ANKS1B: variants seen among roughly 807,000 people sequenced by gnomAD.
ANKS1B encodes the protein ankyrin repeat and sterile alpha motif domain-containing protein 1B.
A neutral mutation model predicts 148.3 loss-of-function variants in ANKS1B; 36 were observed. That is an observed-to-expected ratio of 0.24 (90% CI 0.19 to 0.32). The LOEUF is 0.32. Among genes scored for constraint, ANKS1B ranks in the 10% least tolerant of loss-of-function variants. The pLI is 1.00. For synonymous variants in ANKS1B, 542 were observed against 560.8 expected, an observed-to-expected ratio of 0.97 and a Z score of 0.47; for missense variants, 1,157 against 1,542.6, an observed-to-expected ratio of 0.75 and a Z score of 4.19.
intron 5 of ANKS1B, among the ~76,000 whole-genome samples, chr12:99,781,396 T>G (rs918421100): frequency 6.6e-6 from 1 of 152,200 alleles, no homozygotes; most frequent in Non-Finnish European, 1.5e-5. Flanking sequence ...TTTGTACCCA[T>G]GCCTTTTGAT....
At chr12:99,348,922 T>C (rs1209745209) in intron 12 of ANKS1B, among the ~76,000 whole-genome samples, 1 of 151,990 alleles carries the variant, frequency 6.6e-6, no homozygotes, top group African/African-American at 2.4e-5. Flanking sequence ...TTTCAGTTTG[T>C]AACTCCTCTT....
At chr12:99,846,733 C>G (rs997738803) in intron 1 of ANKS1B, among the ~76,000 whole-genome samples, 14 of 152,074 alleles carry the variant, frequency 9.2e-5, no homozygotes, top group African/African-American at 3.1e-4. Context: ...GCCATGACCA[C>G]TAAAGTCCTA....
intron 16 of ANKS1B, among the ~76,000 whole-genome samples, chr12:99,058,845 C>G (rs1358922529): frequency 6.8e-6 from 1 of 147,846 alleles, no homozygotes; most frequent in Non-Finnish European, 1.5e-5. Flanking sequence ...TCACGCCATT[C>G]TCCTGCCTCA....
At chr12:99,457,917 GGATATTTACAGAACA>G (rs1395010393) in intron 10 of ANKS1B, among the ~76,000 whole-genome samples, 3 of 151,764 alleles carry the variant, frequency 2.0e-5, no homozygotes, top group Non-Finnish European at 2.9e-5. Context: ...TGGACTAAAC[GGATATTTACAGAACA>G]GATATTTACA....
At chr12:99,213,933 A>G (rs1387877062) in intron 14 of ANKS1B, among the ~76,000 whole-genome samples, 1 of 152,222 alleles carries the variant, frequency 6.6e-6, no homozygotes, top group Non-Finnish European at 1.5e-5. Context: ...ATTTTAGGGA[A>G]TGCTTCACAT....
intron 13 of ANKS1B, among the ~76,000 whole-genome samples, chr12:99,245,722 A>C (rs987745198): frequency 6.6e-6 from 1 of 152,234 alleles, no homozygotes; most frequent in African/African-American, 2.4e-5. Context: ...GTAGAACTGA[A>C]ATTGGTGATA....
Position 99,654,988 on chromosome 12 carries a change from G to A in ANKS1B, c.1272+79C>T, listed in dbSNP as rs990987520. The A allele has an allele frequency of 8.2e-5, 117 of 1,418,976 alleles. No individual in the cohort carries two copies. In the Middle Eastern group the frequency reaches 1.5e-3, roughly 18 times the overall value. The allele number at this position is 1,418,976 out of a possible 1,614,324, so 87.9% of individuals were successfully genotyped here. A position where few individuals can be genotyped will look rare whatever the true frequency, so the allele number is the denominator to read the frequency against. On this transcript the variant is annotated intron_variant, in intron 9 of 26. Coordinates refer to ENST00000683438, the MANE Select transcript of ANKS1B (RefSeq NM_001352186.2). ...TGAACAAGATCCTAATTTGATTTTC[G>A]AAGGGGAGGGAGATTTTATCTTAAA...
intron 1 of ANKS1B, among the ~76,000 whole-genome samples, chr12:99,905,012 CT>C (rs548606023): frequency 2.0e-3 from 305 of 152,246 alleles, no homozygotes; most frequent in African/African-American, 7.1e-3. Context: ...TTAAAGTGGA[CT>C]TTTAATATGA....
chr12:99,671,449 T>C (rs1322308671), intron 8 of ANKS1B, among the ~76,000 whole-genome samples: 1 of 152,126 alleles, frequency 6.6e-6, no homozygotes, highest in Admixed American at 6.6e-5. Context: ...AACACCCCCA[T>C]TATTAAATAG....
intron 17 of ANKS1B, among the ~76,000 whole-genome samples, chr12:99,019,948 A>G (rs2099944783): frequency 6.6e-6 from 1 of 152,174 alleles, no homozygotes. Context: ...TACTGTTGTG[A>G]AAAAGCAGAA....
intron 15 of ANKS1B, among the ~76,000 whole-genome samples, chr12:99,126,816 T>G (rs17367186): frequency 0.15 from 23,471 of 152,272 alleles, 2,286 homozygotes; most frequent in South Asian, 0.31. Context: ...ACATGATCTC[T>G]ATATTCCCTT....
chr12:98,996,880 T>C (rs766943956), intron 17 of ANKS1B, among the ~76,000 whole-genome samples: 10 of 151,070 alleles, frequency 6.6e-5, no homozygotes, highest in Non-Finnish European at 1.3e-4. Context: ...CCAGTGTTTG[T>C]TGATAACTGA....
intron 8 of ANKS1B, among the ~76,000 whole-genome samples, chr12:99,716,983 A>G (rs1449116408): frequency 2.0e-5 from 3 of 152,090 alleles, no homozygotes; most frequent in Non-Finnish European, 4.4e-5. Flanking sequence ...CTGCCCAGCA[A>G]TTTACTCTTA....
At chr12:99,877,272 T>G (rs1369676327) in intron 1 of ANKS1B, among the ~76,000 whole-genome samples, 2 of 152,254 alleles carry the variant, frequency 1.3e-5, no homozygotes, top group African/African-American at 2.4e-5. Context: ...GATTGTTCTC[T>G]TCTACTCTCT....
chr12:99,682,169 T>C (rs1177314614), intron 8 of ANKS1B, among the ~76,000 whole-genome samples: 2 of 152,170 alleles, frequency 1.3e-5, no homozygotes, highest in African/African-American at 2.4e-5. Flanking sequence ...GTGGAGGACT[T>C]CAATACTCCA....
chr12:99,613,825 A>G (rs1045042681), intron 9 of ANKS1B, among the ~76,000 whole-genome samples: 3 of 152,038 alleles, frequency 2.0e-5, no homozygotes, highest in Admixed American at 6.6e-5. Context: ...TATGTAACAA[A>G]CCTGCACATC....
chr12:99,216,166 C>T lies in ANKS1B; in HGVS notation c.2419+28176G>A, dbSNP rs118037743. On this transcript the variant is annotated intron_variant, in intron 14 of 26. Transcript: ENST00000683438. ...CCATGTAAGATGTGCCTTTGCACTTCGTTTGCCTTCTGTCATGATTGTGAG... is the reference window on the plus strand; with the variant it reads ...CCATGTAAGATGTGCCTTTGCACTTTGTTTGCCTTCTGTCATGATTGTGAG... Among the ~76,000 whole-genome samples the T allele has an allele frequency of 5.0e-3, 763 of 152,302 alleles. 13 individuals are homozygous for T. The highest frequency in any genetic ancestry group is 0.047 in the South Asian group (229 of 4,828).
chr12:99,710,101 A>G (rs946843723), intron 8 of ANKS1B, among the ~76,000 whole-genome samples: 5 of 152,282 alleles, frequency 3.3e-5, no homozygotes, highest in Admixed American at 2.0e-4. Context: ...ACTGAGATCT[A>G]ATTTTCCAGC....
chr12:99,520,896 A>C (rs2096868954), intron 9 of ANKS1B, among the ~76,000 whole-genome samples: 8 of 152,142 alleles, frequency 5.3e-5, no homozygotes, highest in Admixed American at 3.9e-4. Context: ...TCCTTGGTTC[A>C]AACGATTCTC....
Sources: gnomAD v4.1 joint callset for allele counts (sites outside exome capture counted in the v4.1 genomes callset) on GRCh38, gnomAD v4.1.1 for gene constraint, MANE v1.5 for transcripts, NCBI Gene and HGNC (gene_info 2026-07-23, HGNC 2026-07-21) for gene names.